RREB1: variants seen among roughly 807,000 people sequenced by gnomAD.
RREB1 encodes ras responsive element binding protein 1.
In RREB1, 27 loss-of-function variants were observed where a neutral mutation model predicts 117.8. The observed-to-expected ratio is 0.23, with a 90% confidence interval of 0.17 to 0.32. The LOEUF (loss-of-function observed/expected upper bound fraction) is 0.32, where lower values mean the gene tolerates loss of function less well. Ranked by LOEUF, RREB1 falls within the 10% of genes least tolerant of loss-of-function variation. The probability of loss-of-function intolerance (pLI) is 1.00; values close to 1 mark genes in which losing one functional copy is unlikely to be tolerated. For synonymous variants in RREB1, 1,298 were observed against 1,026.7 expected (o/e 1.26, Z -5.05); for missense variants, 2,577 against 2,378.2 (o/e 1.08, Z -1.74).
chr6:7,156,624 C>G (rs1016911732), intron 1 of RREB1, among the ~76,000 whole-genome samples: 1 of 152,172 alleles, frequency 6.6e-6, no homozygotes, highest in Non-Finnish European at 1.5e-5. Context: ...TTTTGGAGAC[C>G]TGGTGCCCTT....
chr6:7,161,553 T>A (rs2113464223), intron 1 of RREB1, among the ~76,000 whole-genome samples: 1 of 152,340 alleles, frequency 6.6e-6, no homozygotes, highest in South Asian at 2.1e-4. Flanking sequence ...TCACTGTGTT[T>A]CATCTTCCTG....
intron 6 of RREB1, among the ~76,000 whole-genome samples, chr6:7,210,351 AAG>A (rs1482943620): frequency 6.6e-6 from 1 of 152,244 alleles, no homozygotes; most frequent in Non-Finnish European, 1.5e-5. Flanking sequence ...CAAAGCAGAA[AAG>A]AGAGATGTGT....
chr6:7,222,385 A>G (rs76641513), intron 8 of RREB1, among the ~76,000 whole-genome samples: 1 of 152,050 alleles, frequency 6.6e-6, no homozygotes, highest in South Asian at 2.1e-4. Context: ...TGAAGTGCAC[A>G]TGGAAATAAG....
chr6:7,149,749 G>A (rs976980490), intron 1 of RREB1, among the ~76,000 whole-genome samples: 1 of 152,184 alleles, frequency 6.6e-6, no homozygotes, highest in Non-Finnish European at 1.5e-5. Flanking sequence ...GTCCAGTGGC[G>A]CAATCTCGGC....
chr6:7,237,548 G>A (rs1017013815), intron 10 of RREB1, among the ~76,000 whole-genome samples: 6 of 152,172 alleles, frequency 3.9e-5, no homozygotes, highest in Admixed American at 2.6e-4. Flanking sequence ...TTAAGCGCTC[G>A]CGTTGGGGCT....
At chr6:7,200,869 G>T (rs187630579) in intron 6 of RREB1, among the ~76,000 whole-genome samples, 66 of 152,284 alleles carry the variant, frequency 4.3e-4, no homozygotes, top group Middle Eastern at 3.4e-3. Context: ...TTTTAGCAGA[G>T]TTGTTGTCAG....
At position 7,251,368 on chromosome 6, in the gene RREB1, G is replaced by A. The variant is rs1769399872; in HGVS notation, c.*2400G>A. On this transcript the variant is annotated 3_prime_UTR_variant, in exon 13 of 13. Transcript: ENST00000379938. The stretch of plus-strand genomic sequence containing the variant: ...GGGTGAATCATAGCTTAGTTTGCAT[G>A]TCCAGCTAATTTGTTTCTATACATT... The A allele has an allele frequency of 6.6e-6, 1 of 151,528 alleles. No homozygotes were observed. The highest frequency in any genetic ancestry group is 2.1e-4 in the South Asian group (1 of 4,822). 9.4% of individuals were successfully genotyped at this position (151,528 alleles called of 1,614,324 possible). A position where few individuals can be genotyped will look rare whatever the true frequency, so the allele number is the denominator to read the frequency against.
intron 1 of RREB1, among the ~76,000 whole-genome samples, chr6:7,131,816 G>A (rs918721397): frequency 6.6e-6 from 1 of 152,098 alleles, no homozygotes; most frequent in African/African-American, 2.4e-5. Context: ...ATTTTTAAAT[G>A]GGGGAAGAAA....
intron 1 of RREB1, among the ~76,000 whole-genome samples, chr6:7,165,606 A>G (rs543266434): frequency 2.6e-5 from 4 of 152,316 alleles, no homozygotes; most frequent in Admixed American, 2.6e-4. Context: ...TTGGATTTAC[A>G]AATCTGTGTG....
At chr6:7,168,461 G>A (rs946723114) in intron 1 of RREB1, among the ~76,000 whole-genome samples, 1 of 152,132 alleles carries the variant, frequency 6.6e-6, no homozygotes, top group African/African-American at 2.4e-5. Context: ...TGCCGGACTG[G>A]GGTTTTTTGT....
intron 1 of RREB1, among the ~76,000 whole-genome samples, chr6:7,140,364 T>G (rs1453714196): frequency 2.0e-5 from 3 of 152,256 alleles, no homozygotes; most frequent in Non-Finnish European, 4.4e-5. Flanking sequence ...CTTTGAATTT[T>G]ATAGGGATAT....
At chr6:7,190,226 C>T (rs948492484) in intron 6 of RREB1, among the ~76,000 whole-genome samples, 1 of 152,188 alleles carries the variant, frequency 6.6e-6, no homozygotes, top group African/African-American at 2.4e-5. Flanking sequence ...AATTTTCTAT[C>T]CTCAAGCAAG....
intron 1 of RREB1, among the ~76,000 whole-genome samples, chr6:7,124,354 G>C (rs1164769541): frequency 6.6e-6 from 1 of 152,172 alleles, no homozygotes; most frequent in Non-Finnish European, 1.5e-5. Context: ...ATTATATTTA[G>C]AGATCATGAT....
chr6:7,223,629 T>TA (rs1767408333), intron 8 of RREB1, among the ~76,000 whole-genome samples: 1 of 149,572 alleles, frequency 6.7e-6, no homozygotes, highest in African/African-American at 2.5e-5. Context: ...ATATATTTTT[T>TA]ATCTCACCCT....
At chr6:7,236,136 G>A (rs1768297814) in intron 10 of RREB1, among the ~76,000 whole-genome samples, 2 of 152,086 alleles carry the variant, frequency 1.3e-5, no homozygotes, top group African/African-American at 2.4e-5. Flanking sequence ...TTTACCCCTC[G>A]GGAGCATCTC....
intron 1 of RREB1, among the ~76,000 whole-genome samples, chr6:7,157,486 A>G (rs1466486078): frequency 6.6e-6 from 1 of 151,614 alleles, no homozygotes; most frequent in African/African-American, 2.4e-5. Context: ...CTGTGTGACC[A>G]TGGGCCAGGC....
rs1237804440 is a variant in RREB1 at position 7,246,915 on chromosome 6, G to A, written c.4465G>A (p.Gly1489Arg). The A allele has an allele frequency of 1.3e-6, 2 of 1,555,082 alleles. No homozygotes were observed. The highest frequency in any genetic ancestry group is 1.2e-5 in the South Asian group (1 of 84,548). ...AGATGGCGCCAGCACTGCAGAGGAG[G>A]GGCCCCAGCCCGCCCCTGAACAGGA... is the stretch of plus-strand genomic sequence containing the variant. Reference protein sequence around the residue: ...KGDGASTAEEGPQPAPEQEEK... With the variant: ...KGDGASTAEERPQPAPEQEEK... The change falls in exon 12 of 13, where the codon GGG becomes AGG. Residue 1489 changes from glycine (G) to arginine (R), a missense_variant. Transcript: ENST00000379938.
At position 7,152,654 on chromosome 6, in the gene RREB1, A is replaced by C. The variant is rs567547785; in HGVS notation, c.-284-24001A>C. Reference sequence around the variant, plus strand: ...ATGTGACACACCCAGAGAATGAGGCACTGGAGGGGCCTATGAACTTGAGAA... The same window carrying C: ...ATGTGACACACCCAGAGAATGAGGCCCTGGAGGGGCCTATGAACTTGAGAA... On this transcript the variant is annotated intron_variant, in intron 1 of 12. Coordinates refer to ENST00000379938, the MANE Select transcript of RREB1 (RefSeq NM_001003699.4). Among the ~76,000 whole-genome samples the C allele has an allele frequency of 2.0e-5, 3 of 152,320 alleles. No individual in the cohort carries two copies. In the East Asian group the frequency reaches 5.8e-4, roughly 29 times the overall value.
rs374118741 is a variant in RREB1 at position 7,132,829 on chromosome 6, C to G, written c.-285+24769C>G. On this transcript the variant is annotated intron_variant, in intron 1 of 12. Coordinates refer to ENST00000379938, the MANE Select transcript of RREB1 (RefSeq NM_001003699.4). Reference sequence around the variant, plus strand: ...TACAATGTCAACATTCAGTAAGTGACTGTGTTTGTTGTGGTTGGAGCTTCT... The same window carrying G: ...TACAATGTCAACATTCAGTAAGTGAGTGTGTTTGTTGTGGTTGGAGCTTCT... Among the ~76,000 whole-genome samples, 3 of 39,262 alleles carry G rather than the reference C, an allele frequency of 7.6e-5. No individual in the cohort carries two copies. In the Admixed American group the frequency reaches 8.7e-4, roughly 11 times the overall value. 25.8% of individuals were successfully genotyped at this position (39,262 alleles called of 152,430 possible).
Sources: allele counts gnomAD v4.1 joint callset (sites outside exome capture counted in the v4.1 genomes callset), GRCh38; gene constraint gnomAD v4.1.1; transcripts MANE v1.5; gene names NCBI Gene and HGNC (gene_info 2026-07-23, HGNC 2026-07-21).